The following NEDD9 variants were observed in gnomAD, a reference collection of about 807,000 sequenced individuals.
The protein encoded by NEDD9 is neural precursor cell expressed, developmentally down-regulated 9, also known as enhancer of filamentation 1.
In NEDD9, 26 loss-of-function variants were observed where a neutral mutation model predicts 76.6. The ratio of observed to expected loss-of-function variants is 0.34; its 90% CI spans 0.25 to 0.47. NEDD9 has a LOEUF of 0.47. Among genes scored for constraint, NEDD9 ranks in the 20% least tolerant of loss-of-function variants. The pLI is 1.00. For synonymous variants in NEDD9, 392 were observed against 414.2 expected, an observed-to-expected ratio of 0.95 and a Z score of 0.65; for missense variants, 937 against 1,058.5, an observed-to-expected ratio of 0.89 and a Z score of 1.59.
At chr6:11,285,589 C>A (rs73361024) in intron 3 of NEDD9, among the ~76,000 whole-genome samples, 2,117 of 152,094 alleles carry the variant, frequency 0.014, 44 homozygotes, top group African/African-American at 0.048. Flanking sequence ...AAAAGAAGAA[C>A]AAACTTGGAG....
intron 1 of NEDD9, among the ~76,000 whole-genome samples, chr6:11,368,458 A>G (rs1013200394): frequency 2.6e-5 from 4 of 152,184 alleles, no homozygotes; most frequent in Non-Finnish European, 5.9e-5. Flanking sequence ...CACACAATAA[A>G]ACAAATGATC....
At chr6:11,261,627 G>A (rs1010668611) in intron 3 of NEDD9, among the ~76,000 whole-genome samples, 1 of 152,134 alleles carries the variant, frequency 6.6e-6, no homozygotes, top group Admixed American at 6.5e-5. Context: ...ACTATACCAA[G>A]TTTATGCTTT....
rs1048713570 is a variant in NEDD9 at position 11,358,882 on chromosome 6, G to C, written c.-214+23257C>G. On this transcript the variant is annotated intron_variant, in intron 1 of 3. Coordinates refer to the NEDD9 transcript ENST00000397378. Reference sequence around the variant, plus strand: ...GAGAGGGGCTAAGATCACACCATCGGCAGGCAGCAAGAATGAGAAAGGTAG... The same window carrying C: ...GAGAGGGGCTAAGATCACACCATCGCCAGGCAGCAAGAATGAGAAAGGTAG... Among the ~76,000 whole-genome samples the C allele has an allele frequency of 1.1e-4, 17 of 152,166 alleles. 1 individual carries two copies. Among genetic ancestry groups the C allele is most frequent in the African/African-American group, 4.1e-4 (17 of 41,434 alleles).
At chr6:11,202,477 C>T (rs1322358479) in intron 2 of NEDD9, among the ~76,000 whole-genome samples, 1 of 152,208 alleles carries the variant, frequency 6.6e-6, no homozygotes, top group East Asian at 1.9e-4. Context: ...TTATCACTGC[C>T]TGCCCATTAG....
At chr6:11,256,607 C>G (rs905487814) in intron 3 of NEDD9, among the ~76,000 whole-genome samples, 1 of 152,066 alleles carries the variant, frequency 6.6e-6, no homozygotes, top group Non-Finnish European at 1.5e-5. Flanking sequence ...ACTACAGGTG[C>G]GTGCCACCGT....
chr6:11,189,843 G>T, intron 5 of NEDD9, 121 bp downstream of exon 5: 1 of 1,262,982 alleles, frequency 7.9e-7, no homozygotes, highest in Non-Finnish European at 1.1e-6. Flanking sequence ...TGTGAACCAT[G>T]TAGATTAACA....
chr6:11,214,053 T>G, intron 1 of NEDD9: 2 of 416,996 alleles, frequency 4.8e-6, no homozygotes, highest in South Asian at 4.1e-5. Flanking sequence ...CAAAACATTT[T>G]TCTTCCTTTT....
intron 1 of NEDD9, among the ~76,000 whole-genome samples, chr6:11,358,697 C>A: frequency 6.6e-6 from 1 of 152,084 alleles, no homozygotes; most frequent in African/African-American, 2.4e-5. Context: ...TTAATAATTG[C>A]CTCTTGATTT....
chr6:11,283,200 T>C (rs1215084343), intron 3 of NEDD9, among the ~76,000 whole-genome samples: 2 of 152,120 alleles, frequency 1.3e-5, no homozygotes, highest in Non-Finnish European at 2.9e-5. Context: ...CTAGCATTCC[T>C]GGCATTCTCC....
At chr6:11,218,345 C>CTTTTT (rs35407775) in intron 1 of NEDD9, among the ~76,000 whole-genome samples, 1 of 141,066 alleles carries the variant, frequency 7.1e-6, no homozygotes, top group Non-Finnish European at 1.5e-5. Context: ...TCTTCAGCAA[C>CTTTTT]TTTTTTTTTT....
intron 1 of NEDD9, among the ~76,000 whole-genome samples, chr6:11,357,222 C>T (rs1196437844): frequency 2.0e-5 from 3 of 152,170 alleles, no homozygotes; most frequent in Non-Finnish European, 4.4e-5. Flanking sequence ...TAACCCTTTA[C>T]TCCTGTGGAT....
intron 3 of NEDD9, 60 bp downstream of exon 3, chr6:11,193,531 C>T (rs1758214406): frequency 1.5e-6 from 2 of 1,311,524 alleles, no homozygotes; most frequent in Non-Finnish European, 2.2e-6. Flanking sequence ...TCTCTACAGC[C>T]CTGAAGGAAT....
chr6:11,267,179 C>T (rs1039740508), intron 3 of NEDD9, among the ~76,000 whole-genome samples: 8 of 152,172 alleles, frequency 5.3e-5, no homozygotes, highest in Non-Finnish European at 1.2e-4. Flanking sequence ...CCCTTGATGT[C>T]GACTATTTGA....
chr6:11,286,653 T>C (rs995365999), intron 3 of NEDD9, among the ~76,000 whole-genome samples: 1 of 152,236 alleles, frequency 6.6e-6, no homozygotes, highest in Non-Finnish European at 1.5e-5. Flanking sequence ...ATAAATGAAC[T>C]ATTGATACAT....
At chr6:11,234,481 T>C (rs1333462889), upstream of NEDD9, among the ~76,000 whole-genome samples, 3 of 152,198 alleles carry the variant, frequency 2.0e-5, no homozygotes, top group Non-Finnish European at 4.4e-5. Context: ...CCTATTTTAA[T>C]GTTTTCAAAC....
intron 2 of NEDD9, among the ~76,000 whole-genome samples, chr6:11,195,902 G>A (rs139724525): frequency 0.011 from 1,652 of 152,310 alleles, 27 homozygotes; most frequent in African/African-American, 0.038. Flanking sequence ...GCTGAGGCAG[G>A]AGAATCACTT....
chr6:11,336,240 T>A (rs1462931561), intron 1 of NEDD9, among the ~76,000 whole-genome samples: 1 of 152,248 alleles, frequency 6.6e-6, no homozygotes, highest in Admixed American at 6.5e-5. Context: ...ATTATAGCCA[T>A]GTGCCACTTG....
rs1465131 is a variant in NEDD9 at position 11,192,342 on chromosome 6, C to T, written c.663+3G>A. 1,376,824 of 1,569,642 alleles carry T rather than the reference C, an allele frequency of 0.88. 604,005 individuals are homozygous for T. Among genetic ancestry groups the T allele is most frequent in the East Asian group, 1 (42,106 of 42,124 alleles). On this transcript the variant is annotated splice_donor_region_variant and intron_variant, in intron 4 of 6. Coordinates refer to ENST00000379446, the MANE Select transcript of NEDD9 (RefSeq NM_006403.4). ...TTTTGCTGCTTTGTAGTCACTCACT[C>T]ACCCCTTTTGTAGGCGGGATGTCAT...
At chr6:11,282,072 G>A (rs1760548881) in intron 3 of NEDD9, among the ~76,000 whole-genome samples, 1 of 152,156 alleles carries the variant, frequency 6.6e-6, no homozygotes, top group African/African-American at 2.4e-5. Context: ...ATTATATTAT[G>A]TGACATCATG....
Sources: allele counts gnomAD v4.1 joint callset (sites outside exome capture counted in the v4.1 genomes callset), GRCh38; gene constraint gnomAD v4.1.1; transcripts MANE v1.5; gene names NCBI Gene and HGNC (gene_info 2026-07-23, HGNC 2026-07-21).